NRP1: variants seen among roughly 807,000 people sequenced by gnomAD.
The protein encoded by NRP1 is neuropilin 1.
Under a neutral mutation model 106.7 loss-of-function variants are expected in NRP1, and 35 were observed. The ratio of observed to expected loss-of-function variants is 0.33; its 90% CI spans 0.25 to 0.43. NRP1 has a LOEUF of 0.43. Ranked by LOEUF, NRP1 falls within the 20% of genes least tolerant of loss-of-function variation. The pLI, the probability that NRP1 is intolerant of heterozygous loss-of-function variation, is 1.00. For synonymous variants in NRP1, 437 were observed against 417.9 expected, an observed-to-expected ratio of 1.05 and a Z score of -0.56; for missense variants, 1,024 against 1,170.4, an observed-to-expected ratio of 0.87 and a Z score of 1.83.
intron 2 of NRP1, among the ~76,000 whole-genome samples, chr10:33,272,199 A>G (rs1018252014): frequency 6.6e-6 from 1 of 152,250 alleles, no homozygotes; most frequent in Non-Finnish European, 1.5e-5. Flanking sequence ...AAAAGTGGAC[A>G]GCTTAAGGCT....
chr10:33,297,715 T>C (rs2132675673), intron 2 of NRP1, among the ~76,000 whole-genome samples: 1 of 151,496 alleles, frequency 6.6e-6, no homozygotes, highest in South Asian at 2.1e-4. Context: ...AAAGTACATC[T>C]TGTTCCAAGA....
chr10:33,332,553 C>G (rs1015559752), intron 1 of NRP1, among the ~76,000 whole-genome samples: 1 of 152,186 alleles, frequency 6.6e-6, no homozygotes, highest in African/African-American at 2.4e-5. Context: ...GCTCTTTAAT[C>G]TGTGACTTCT....
intron 2 of NRP1, among the ~76,000 whole-genome samples, chr10:33,293,052 C>T (rs115078232): frequency 2.6e-5 from 4 of 151,642 alleles, no homozygotes; most frequent in Admixed American, 2.6e-4. Context: ...TTCTGTAGTC[C>T]ATAACCCCTA....
At position 33,334,491 on chromosome 10, in the gene NRP1, C is replaced by G; in HGVS notation, c.-109G>C. ...CGAAGAGCCCCAACTCCGCCTAGAG[C>G]TGTACAATCCTCAGCCCGTCTTGGA... On this transcript the variant is annotated 5_prime_UTR_variant, in exon 1 of 17. Transcript: ENST00000374867. 1.1e-6 allele frequency: 1 copy of G among 887,832 alleles called. No individual in the cohort carries two copies. The highest frequency in any genetic ancestry group is 1.7e-6 in the Non-Finnish European group (1 of 577,972). The allele number at this position is 887,832 out of a possible 1,614,324, so 55.0% of individuals were successfully genotyped here.
chr10:33,299,802 A>G (rs2132692715), intron 2 of NRP1, among the ~76,000 whole-genome samples: 1 of 152,182 alleles, frequency 6.6e-6, no homozygotes, highest in Non-Finnish European at 1.5e-5. Context: ...AAATAAACCA[A>G]TTGCTACAGG....
At chr10:33,257,793 G>A (rs928687743) in intron 4 of NRP1, among the ~76,000 whole-genome samples, 1 of 151,806 alleles carries the variant, frequency 6.6e-6, no homozygotes, top group Non-Finnish European at 1.5e-5. Flanking sequence ...CCTGATCATC[G>A]ACAAGCCACA....
At chr10:33,276,356 C>T (rs1006746701) in intron 2 of NRP1, among the ~76,000 whole-genome samples, 3 of 152,034 alleles carry the variant, frequency 2.0e-5, no homozygotes, top group Admixed American at 6.6e-5. Context: ...CAATGAGATG[C>T]TCTGTGTGAT....
At chr10:33,187,744 G>A (rs993739259) in intron 13 of NRP1, among the ~76,000 whole-genome samples, 1 of 152,216 alleles carries the variant, frequency 6.6e-6, no homozygotes, top group Non-Finnish European at 1.5e-5. Context: ...TCAGTGGGCA[G>A]CAAGAGGTTG....
At chr10:33,278,773 C>A (rs1439675911) in intron 2 of NRP1, among the ~76,000 whole-genome samples, 1 of 152,106 alleles carries the variant, frequency 6.6e-6, no homozygotes, top group Non-Finnish European at 1.5e-5. Context: ...TACAGTAGAG[C>A]TCACAAAGCT....
intron 2 of NRP1, among the ~76,000 whole-genome samples, chr10:33,293,208 T>A (rs1845128585): frequency 6.6e-6 from 1 of 152,244 alleles, no homozygotes; most frequent in Non-Finnish European, 1.5e-5. Flanking sequence ...TTATAAAATA[T>A]TAACTTGAAC....
At chr10:33,284,097 A>C (rs1844337997) in intron 2 of NRP1, among the ~76,000 whole-genome samples, 1 of 151,808 alleles carries the variant, frequency 6.6e-6, no homozygotes, top group Non-Finnish European at 1.5e-5. Flanking sequence ...AGAGAAAGGT[A>C]TAAAAAATTC....
rs556613371 is a variant in NRP1 at position 33,212,871 on chromosome 10, G to A, written c.1614+515C>T. 1.1e-4 allele frequency: 23 copies of A among 215,268 alleles called. No individual in the cohort carries two copies. In the East Asian group the frequency reaches 1.7e-3, roughly 16 times the overall value. The allele number at this position is 215,268 out of a possible 1,614,324, so 13.3% of individuals were successfully genotyped here. A position where few individuals can be genotyped will look rare whatever the true frequency, so the allele number is the denominator to read the frequency against. On this transcript the variant is annotated intron_variant, in intron 9 of 16. Transcript: ENST00000374867. ...ATTTTAGTAGAGATGGGGTTTCACC[G>A]TGCTGTCCAGTCTGGTCTCGAACTC...
intron 12 of NRP1, 103 bp downstream of exon 12, chr10:33,197,547 A>G (rs564011454): frequency 4.1e-4 from 323 of 790,692 alleles, no homozygotes; most frequent in Non-Finnish European, 6.1e-4. Flanking sequence ...GCTGTGTGGC[A>G]TCTCTCCTTC....
intron 2 of NRP1, among the ~76,000 whole-genome samples, chr10:33,324,197 G>A (rs955225433): frequency 1.3e-5 from 2 of 152,016 alleles, no homozygotes; most frequent in East Asian, 1.9e-4. Flanking sequence ...GTGCTAATGG[G>A]GAAAAAAATC....
At chr10:33,274,303 C>T (rs1843527673) in intron 2 of NRP1, among the ~76,000 whole-genome samples, 2 of 152,158 alleles carry the variant, frequency 1.3e-5, no homozygotes, top group South Asian at 4.1e-4. Context: ...ATCCTATCTA[C>T]GTAGATGCAG....
chr10:33,271,807 CTATT>C (rs1219071089), intron 2 of NRP1, among the ~76,000 whole-genome samples: 1 of 152,162 alleles, frequency 6.6e-6, no homozygotes, highest in East Asian at 1.9e-4. Flanking sequence ...AAGCTTTTGT[CTATT>C]TGGTGTTATG....
In NRP1 at chr10:33,207,651, T is replaced by TCTAC. The variant is rs764907882; in HGVS notation, c.1679_1680insGTAG (p.Phe561Ter). 1 of 1,614,012 alleles carries TCTAC rather than the reference T, an allele frequency of 6.2e-7. No homozygotes were observed. On this transcript the variant is annotated stop_gained and frameshift_variant, in exon 10 of 17. Coordinates refer to ENST00000374867, the MANE Select transcript of NRP1 (RefSeq NM_003873.7). LOFTEE classifies it high-confidence loss of function. ...CTCTCTCGGGGTAGATCCTGATGAATCGCGTGGAGAGAGCTGGAAAAGTCC... is the reference window on the plus strand; with the variant it reads ...CTCTCTCGGGGTAGATCCTGATGAATCTACCGCGTGGAGAGAGCTGGAAAAGTCC...
intron 2 of NRP1, among the ~76,000 whole-genome samples, chr10:33,327,006 T>C (rs1215245514): frequency 6.6e-6 from 1 of 152,144 alleles, no homozygotes; most frequent in African/African-American, 2.4e-5. Flanking sequence ...GTCTAATGAC[T>C]TAACCATCCC....
intron 12 of NRP1, chr10:33,195,440 T>C (rs1253962062): frequency 1.9e-6 from 1 of 525,082 alleles, no homozygotes; most frequent in African/African-American, 1.9e-5. Flanking sequence ...GCCCATGGAG[T>C]TTATTATATT....
Sources: gnomAD v4.1 joint callset for allele counts (sites outside exome capture counted in the v4.1 genomes callset) on GRCh38, gnomAD v4.1.1 for gene constraint, MANE v1.5 for transcripts, NCBI Gene and HGNC (gene_info 2026-07-23, HGNC 2026-07-21) for gene names.